Variants in CDH11 observed in about 807,000 individuals in gnomAD.
CDH11 encodes the protein cadherin 11.
A neutral mutation model predicts 67.8 loss-of-function variants in CDH11; 11 were observed. The observed-to-expected ratio is 0.16, with a 90% CI of 0.10 to 0.27. CDH11 has a LOEUF of 0.27. CDH11 is among the 10% of genes least tolerant of loss of function. CDH11 has a pLI of 1.00. For synonymous variants in CDH11, 419 were observed against 400.0 expected (o/e 1.05, Z -0.57); for missense variants, 847 against 1,031.2 (o/e 0.82, Z 2.45).
At chr16:65,048,933 TAA>T (rs2074010042) in intron 2 of CDH11, among the ~76,000 whole-genome samples, 1 of 152,040 alleles carries the variant, frequency 6.6e-6, no homozygotes, top group Non-Finnish European at 1.5e-5. Flanking sequence ...GCTATTATCC[TAA>T]GTGAAAAAAC....
chr16:65,079,456 A>C lies in CDH11; in HGVS notation c.-297-25528T>G, dbSNP rs1416243960. Among the ~76,000 whole-genome samples, 9 of 152,122 alleles carry C rather than the reference A, an allele frequency of 5.9e-5. 1 individual carries two copies. The highest frequency in any genetic ancestry group is 5.9e-4 in the Admixed American group (9 of 15,270). ...TGCTTTTACTTTGATTCTTGTGACA[A>C]AATTTACCTTACACTATTGTGTATG... On this transcript the variant is annotated intron_variant, in intron 1 of 12. Coordinates refer to ENST00000268603, the MANE Select transcript of CDH11 (RefSeq NM_001797.4).
rs2075324942 is a variant in CDH11 at position 65,121,271 on chromosome 16, G to C, written c.-298+609C>G. On this transcript the variant is annotated intron_variant, in intron 1 of 12. Coordinates refer to ENST00000268603, the MANE Select transcript of CDH11 (RefSeq NM_001797.4). The surrounding 1 kb of genome is among the most constrained non-coding windows in gnomAD (Gnocchi z 4.1). ...AGCCTGCTGCCCCAGAACCACAGTCGGCGGCCCCAAACCCACGCTATTAAA... is the reference window on the plus strand; with the variant it reads ...AGCCTGCTGCCCCAGAACCACAGTCCGCGGCCCCAAACCCACGCTATTAAA... 6.6e-6 allele frequency among the ~76,000 whole-genome samples: 1 copy of C among 152,190 alleles called. No homozygotes were observed. The highest frequency in any genetic ancestry group is 1.5e-5 in the Non-Finnish European group (1 of 68,024).
At chr16:65,056,802 A>G (rs1037831653) in intron 1 of CDH11, among the ~76,000 whole-genome samples, 2 of 152,116 alleles carry the variant, frequency 1.3e-5, no homozygotes, top group African/African-American at 4.8e-5. Flanking sequence ...AAAAGGGTTG[A>G]CTTCTCAAAT....
intron 2 of CDH11, among the ~76,000 whole-genome samples, chr16:65,022,932 C>G (rs557560523): frequency 1.3e-5 from 2 of 152,168 alleles, no homozygotes; most frequent in African/African-American, 2.4e-5. Context: ...GTCAACACAA[C>G]AGAGGACCTC....
chr16:65,048,801 C>CAA (rs1450224509), intron 2 of CDH11, among the ~76,000 whole-genome samples: 2 of 151,732 alleles, frequency 1.3e-5, no homozygotes, highest in Non-Finnish European at 2.9e-5. Flanking sequence ...TACACACACA[C>CAA]AACGTTCTTT....
At position 65,032,699 on chromosome 16, in the gene CDH11, T is replaced by C. The variant is rs142893316; in HGVS notation, c.-173+21105A>G. 4.2e-3 allele frequency among the ~76,000 whole-genome samples: 640 copies of C among 152,318 alleles called. 4 individuals carry two copies. The highest frequency in any genetic ancestry group is 6.9e-3 in the Non-Finnish European group (470 of 68,024). ...TTGCAAAAAAAGAAAATTAATTTCATTCTGATTTCCCCTGATTTGTACTGT... is the reference window on the plus strand; with the variant it reads ...TTGCAAAAAAAGAAAATTAATTTCACTCTGATTTCCCCTGATTTGTACTGT... On this transcript the variant is annotated intron_variant, in intron 2 of 12. Coordinates refer to ENST00000268603, the MANE Select transcript of CDH11 (RefSeq NM_001797.4).
intron 2 of CDH11, among the ~76,000 whole-genome samples, chr16:65,039,403 G>A (rs1217783677): frequency 6.6e-6 from 1 of 152,122 alleles, no homozygotes; most frequent in Non-Finnish European, 1.5e-5. Context: ...CAGAAATAAT[G>A]CTGCATATCT....
intron 10 of CDH11, 92 bp downstream of exon 10, chr16:64,971,839 G>A (rs540188857): frequency 1.4e-6 from 2 of 1,454,150 alleles, no homozygotes; most frequent in East Asian, 4.5e-5. Context: ...ACCTTTTTGG[G>A]CAGTGGTTGG....
chr16:65,115,633 A>T lies in CDH11; in HGVS notation c.-298+6247T>A, dbSNP rs184502702. Among the ~76,000 whole-genome samples the T allele has an allele frequency of 3.5e-3, 528 of 148,760 alleles. 5 individuals are homozygous for T. The highest frequency in any genetic ancestry group is 0.012 in the African/African-American group (496 of 40,316). On this transcript the variant is annotated intron_variant, in intron 1 of 12. Transcript: ENST00000268603. ...GACACCTGAGTCTTGGGGAGCTTAT[A>T]TAGCTTATTCTTGGTCACATACTTT... is the stretch of plus-strand genomic sequence containing the variant.
intron 1 of CDH11, among the ~76,000 whole-genome samples, chr16:65,069,508 G>C (rs1281278452): frequency 1.3e-5 from 2 of 152,102 alleles, no homozygotes; most frequent in Non-Finnish European, 2.9e-5. Flanking sequence ...ATAGACACCT[G>C]AGCTGGCCAC....
At chr16:64,971,538 C>T (rs757815099) in intron 11 of CDH11, 41 bp downstream of exon 11, 1 of 1,176,000 alleles carries the variant, frequency 8.5e-7, no homozygotes. Flanking sequence ...ATTTGTTTTC[C>T]AGTTCTACTT....
At chr16:65,099,956 C>A (rs759522824) in intron 1 of CDH11, among the ~76,000 whole-genome samples, 2 of 151,974 alleles carry the variant, frequency 1.3e-5, no homozygotes, top group Non-Finnish European at 2.9e-5. Flanking sequence ...GCAAAGAGGG[C>A]AGTTAGGAGA....
chr16:64,985,297 A>T (rs979218653), intron 7 of CDH11: 4 of 152,126 alleles, frequency 2.6e-5, no homozygotes, highest in Non-Finnish European at 5.9e-5. Flanking sequence ...CTATCTAGTA[A>T]TTATTTCTTG....
At chr16:65,050,073 A>G (rs957058219) in intron 2 of CDH11, among the ~76,000 whole-genome samples, 4 of 152,154 alleles carry the variant, frequency 2.6e-5, no homozygotes, top group Non-Finnish European at 5.9e-5. Flanking sequence ...GTTATTACTC[A>G]GCAGGATGCC....
At chr16:65,090,017 C>T (rs2074768810) in intron 1 of CDH11, among the ~76,000 whole-genome samples, 2 of 151,956 alleles carry the variant, frequency 1.3e-5, no homozygotes, top group Admixed American at 1.3e-4. Context: ...TTTGGCTCCC[C>T]CTAAGTTGTC....
intron 1 of CDH11, among the ~76,000 whole-genome samples, chr16:65,075,439 A>G (rs1219374744): frequency 1.3e-5 from 2 of 152,136 alleles, no homozygotes; most frequent in African/African-American, 2.4e-5. Flanking sequence ...GACCATGTAA[A>G]TAGGCCTCTT....
intron 1 of CDH11, among the ~76,000 whole-genome samples, chr16:65,065,546 C>T (rs2074299434): frequency 6.6e-6 from 1 of 152,162 alleles, no homozygotes; most frequent in African/African-American, 2.4e-5. Flanking sequence ...GTATTGCAGC[C>T]ATTCTGGGTA....
chr16:65,042,150 G>A (rs185464582), intron 2 of CDH11, among the ~76,000 whole-genome samples: 26 of 152,336 alleles, frequency 1.7e-4, no homozygotes, highest in African/African-American at 6.0e-4. Context: ...TAGTATGGAT[G>A]GCGCTGCCCT....
rs192415224 is a variant in CDH11 at position 65,110,597 on chromosome 16, A to T, written c.-298+11283T>A. On this transcript the variant is annotated intron_variant, in intron 1 of 12. Transcript: ENST00000268603. The stretch of plus-strand genomic sequence containing the variant: ...ATGCTGTACAGCCACTGCTACAGTG[A>T]CCAGAATGAGTTATCCATGGCCAAT... Among the ~76,000 whole-genome samples the T allele has an allele frequency of 7.1e-4, 107 of 151,264 alleles. 1 individual carries two copies. In the East Asian group the frequency reaches 0.019, roughly 26 times the overall value.
Sources: allele counts gnomAD v4.1 joint callset (sites outside exome capture counted in the v4.1 genomes callset), GRCh38; gene constraint gnomAD v4.1.1; non-coding constraint Gnocchi (gnomAD v3.1); transcripts MANE v1.5; gene names NCBI Gene and HGNC (gene_info 2026-07-23, HGNC 2026-07-21).